CACNA1B: variants seen among roughly 807,000 people sequenced by gnomAD.
CACNA1B encodes calcium voltage-gated channel subunit alpha1 B, also known as voltage-dependent N-type calcium channel subunit alpha-1B.
In CACNA1B, 70 loss-of-function variants were observed where a neutral mutation model predicts 247.2. That is an observed-to-expected ratio of 0.28 (90% CI 0.23 to 0.35). CACNA1B has a LOEUF of 0.35. Among genes scored for constraint, CACNA1B ranks in the 10% least tolerant of loss-of-function variants. CACNA1B has a pLI of 1.00. For missense variants in CACNA1B, 2,367 were observed against 3,197.4 expected, an observed-to-expected ratio of 0.74 and a Z score of 6.26; for synonymous variants, 1,231 against 1,294.4, an observed-to-expected ratio of 0.95 and a Z score of 1.05.
At chr9:138,091,798 T>C (rs1039989403) in intron 36 of CACNA1B, among the ~76,000 whole-genome samples, 1 of 152,226 alleles carries the variant, frequency 6.6e-6, no homozygotes, top group African/African-American at 2.4e-5. Context: ...AAATAGCTCC[T>C]ATGGGGGGAA....
chr9:137,956,221 G>A (rs976222487), intron 8 of CACNA1B, among the ~76,000 whole-genome samples: 5 of 152,142 alleles, frequency 3.3e-5, no homozygotes, highest in South Asian at 4.1e-4. Context: ...AGATGAACTC[G>A]CCTGTGGCAC....
rs535757656 is a variant in CACNA1B at position 138,097,677 on chromosome 9, C to T, written c.5222+1066C>T. The stretch of plus-strand genomic sequence containing the variant: ...CGTGGGTGCCACCGAGGCCTGCCTT[C>T]TCTCTCTGAGCTCCTCAGCCTGCCC... On this transcript the variant is annotated intron_variant, in intron 37 of 46. Transcript: ENST00000371372. Among the ~76,000 whole-genome samples, 29 of 152,316 alleles carry T rather than the reference C, an allele frequency of 1.9e-4. 2 individuals carry two copies. In the East Asian group the frequency reaches 1.9e-3, roughly 10 times the overall value.
Position 138,014,250 on chromosome 9 carries a change from G to T in CACNA1B, c.2267+1015G>T, listed in dbSNP as rs1958762746. On this transcript the variant is annotated intron_variant, in intron 18 of 46. Transcript: ENST00000371372. This position sits in a 1 kb window ranked among gnomAD's most constrained non-coding sequence, Gnocchi z 6.2. ...TGTGTGTGCACTTGAGAGTTGCACA[G>T]TGAGCATGTGTGTGAGTGCATGTGC... Among the ~76,000 whole-genome samples the T allele has an allele frequency of 6.6e-6, 1 of 152,218 alleles. No individual in the cohort carries two copies. Among genetic ancestry groups the T allele is most frequent in the South Asian group, 2.1e-4 (1 of 4,826 alleles).
At chr9:138,104,839 C>T (rs1306925376) in intron 38 of CACNA1B, among the ~76,000 whole-genome samples, 1 of 152,250 alleles carries the variant, frequency 6.6e-6, no homozygotes, top group Non-Finnish European at 1.5e-5. Flanking sequence ...AGATGCATTT[C>T]CTCCTTGGGG....
In CACNA1B at chr9:137,917,913, AC is replaced by A. The variant is rs1362412465; in HGVS notation, c.966+486del. Among the ~76,000 whole-genome samples, 1 of 152,090 alleles carries A rather than the reference AC, an allele frequency of 6.6e-6. No homozygotes were observed. ...GACCATGGGCAGCTGTTGCTGTGCC[AC>A]CCCTCTAGGGTCTCTGTTGGAGTTG... On this transcript the variant is annotated intron_variant, in intron 6 of 46. Transcript: ENST00000371372. The surrounding 1 kb of genome is among the most constrained non-coding windows in gnomAD (Gnocchi z 5.5).
intron 35 of CACNA1B, among the ~76,000 whole-genome samples, chr9:138,076,748 G>T (rs553205603): frequency 6.6e-6 from 1 of 152,228 alleles, no homozygotes; most frequent in Non-Finnish European, 1.5e-5. Flanking sequence ...GAAGGAAGGA[G>T]CTCTTTTAGG....
rs986167403 is a variant in CACNA1B at position 137,954,889 on chromosome 9, A to T, written c.1071-809A>T. On this transcript the variant is annotated intron_variant, in intron 7 of 46. Coordinates refer to ENST00000371372, the MANE Select transcript of CACNA1B (RefSeq NM_000718.4). This position sits in a 1 kb window ranked among gnomAD's most constrained non-coding sequence, Gnocchi z 4.1. Reference sequence around the variant, plus strand: ...GTGTGTGTGTGTGTGTGAGAGAGAGAGAGAGAGAGAGAGGGGGAGAGAGAG... The same window carrying T: ...GTGTGTGTGTGTGTGTGAGAGAGAGTGAGAGAGAGAGAGGGGGAGAGAGAG... Among the ~76,000 whole-genome samples the T allele has an allele frequency of 3.5e-3, 318 of 90,346 alleles. 4 individuals carry two copies. The highest frequency in any genetic ancestry group is 0.025 in the East Asian group (31 of 1,242). The allele number at this position is 90,346 out of a possible 152,430, so 59.3% of individuals were successfully genotyped here. A position where few individuals can be genotyped will look rare whatever the true frequency, so the allele number is the denominator to read the frequency against.
In CACNA1B at chr9:137,971,108, A is replaced by G. The variant is rs1411877015; in HGVS notation, c.1334-275A>G. On this transcript the variant is annotated intron_variant, in intron 10 of 46. Coordinates refer to ENST00000371372, the MANE Select transcript of CACNA1B (RefSeq NM_000718.4). This position sits in a 1 kb window ranked among gnomAD's most constrained non-coding sequence, Gnocchi z 4.4. ...CTGGGGGCATCAGGGCTGTGCTCCT[A>G]GAAGGTGGCTGGGGATGCTGGGGAC... Among the ~76,000 whole-genome samples, 4 of 152,234 alleles carry G rather than the reference A, an allele frequency of 2.6e-5. No homozygotes were observed. Among genetic ancestry groups the G allele is most frequent in the African/African-American group, 9.6e-5 (4 of 41,524 alleles).
chr9:138,054,032 G>A lies in CACNA1B; in HGVS notation c.3968+26G>A. Reference sequence around the variant, plus strand: ...GTAAACTGAGGCAGGGTGCAAGGTGGGACACACAGCCCCATGATGCAGACA... The same window carrying A: ...GTAAACTGAGGCAGGGTGCAAGGTGAGACACACAGCCCCATGATGCAGACA... On this transcript the variant is annotated intron_variant, in intron 26 of 46. Transcript: ENST00000371372. The surrounding 1 kb of genome is among the most constrained non-coding windows in gnomAD (Gnocchi z 4.6). 1 of 1,609,060 alleles carries A rather than the reference G, an allele frequency of 6.2e-7. No individual in the cohort carries two copies. Among genetic ancestry groups the A allele is most frequent in the South Asian group, 1.1e-5 (1 of 90,922 alleles).
rs1962092712 is a variant in CACNA1B, at chr9:138,121,411, GTTCGGCTTTT to G, written c.6490-55_6490-46del. 9 of 1,238,792 alleles carry G rather than the reference GTTCGGCTTTT, an allele frequency of 7.3e-6. No homozygotes were observed. The highest frequency in any genetic ancestry group is 2.7e-5 in the Admixed American group (1 of 37,708). 76.7% of individuals were successfully genotyped at this position (1,238,792 alleles called of 1,614,324 possible). Reference sequence around the variant, plus strand: ...TGTGTGTGATGTGCTCTGTCTGTTGGTTCGGCTTTTTTTTTTTTTTTTTTACCTCTGATTT... The same window carrying G: ...TGTGTGTGATGTGCTCTGTCTGTTGGTTTTTTTTTTTTTTACCTCTGATTT... On this transcript the variant is annotated intron_variant, in intron 46 of 46. Transcript: ENST00000371372. The surrounding 1 kb of genome is among the most constrained non-coding windows in gnomAD (Gnocchi z 6.8).
intron 6 of CACNA1B, among the ~76,000 whole-genome samples, chr9:137,951,517 C>A (rs1406774937): frequency 6.6e-6 from 1 of 152,194 alleles, no homozygotes; most frequent in Non-Finnish European, 1.5e-5. Flanking sequence ...CCCTTGGCAC[C>A]CACCACCCTC....
intron 41 of CACNA1B, among the ~76,000 whole-genome samples, chr9:138,115,243 A>G (rs1474693803): frequency 1.3e-5 from 2 of 152,302 alleles, no homozygotes; most frequent in East Asian, 3.9e-4. Flanking sequence ...ATCTGGTCCA[A>G]TCCCCTAGTT....
chr9:137,923,276 CAT>C (rs1300745517), intron 6 of CACNA1B, among the ~76,000 whole-genome samples: 19 of 145,404 alleles, frequency 1.3e-4, no homozygotes, highest in Middle Eastern at 3.8e-3. Context: ...GGTGGTATTC[CAT>C]GGTGCCAGGT....
intron 3 of CACNA1B, among the ~76,000 whole-genome samples, chr9:137,889,057 G>A (rs1234710780): frequency 6.6e-6 from 1 of 150,472 alleles, no homozygotes; most frequent in Non-Finnish European, 1.5e-5. Flanking sequence ...CTTCCCGCAA[G>A]GCGACCTGAC....
chr9:137,905,291 T>C (rs1957285764), intron 3 of CACNA1B, among the ~76,000 whole-genome samples: 1 of 150,960 alleles, frequency 6.6e-6, no homozygotes, highest in Admixed American at 6.6e-5. Flanking sequence ...AGGCGGAGCT[T>C]GCAGTGAGCC....
intron 36 of CACNA1B, among the ~76,000 whole-genome samples, chr9:138,087,409 AG>A (rs1450188509): frequency 6.8e-6 from 1 of 146,088 alleles, no homozygotes; most frequent in Admixed American, 6.7e-5. Context: ...AAAAAGAAAA[AG>A]AAAAAAAAGA....
chr9:138,101,016 G>T (rs993404824), intron 37 of CACNA1B: 26 of 458,898 alleles, frequency 5.7e-5, no homozygotes, highest in Admixed American at 5.2e-4. Context: ...CCTGCGCGAG[G>T]TCGGTCTTCC....
intron 31 of CACNA1B, among the ~76,000 whole-genome samples, chr9:138,067,874 A>G (rs1959975199): frequency 1.3e-5 from 2 of 152,184 alleles, no homozygotes; most frequent in Admixed American, 6.5e-5. Context: ...GCATTTTCAC[A>G]CAAGTGTTCC....
chr9:137,926,923 T>A (rs1022565937), intron 6 of CACNA1B, among the ~76,000 whole-genome samples: 1 of 152,222 alleles, frequency 6.6e-6, no homozygotes. Flanking sequence ...ATTCTCTGTA[T>A]ATTCTGAGTA....
Sources: gnomAD v4.1 joint callset for allele counts (sites outside exome capture counted in the v4.1 genomes callset) on GRCh38, gnomAD v4.1.1 for gene constraint, Gnocchi (gnomAD v3.1) non-coding constraint, MANE v1.5 for transcripts, NCBI Gene and HGNC (gene_info 2026-07-23, HGNC 2026-07-21) for gene names.